Variants in CFAP54 observed in about 807,000 individuals in gnomAD.
CFAP54 encodes cilia and flagella associated protein 54.
A neutral mutation model predicts 370.4 loss-of-function variants in CFAP54; 290 were observed. The ratio of observed to expected loss-of-function variants is 0.78; its 90% CI spans 0.71 to 0.86. CFAP54 has a LOEUF of 0.86. Ranked by LOEUF, CFAP54 falls within the 40% of genes least tolerant of loss-of-function variation. CFAP54 has a pLI of 0.00. For missense variants in CFAP54, 3,399 were observed against 3,528.7 expected, an observed-to-expected ratio of 0.96 and a Z score of 0.93; for synonymous variants, 1,206 against 1,236.5, an observed-to-expected ratio of 0.98 and a Z score of 0.52.
chr12:96,544,224 G>A (rs983621299), intron 14 of CFAP54, among the ~76,000 whole-genome samples: 15 of 20,554 alleles, frequency 7.3e-4, no homozygotes, highest in Non-Finnish European at 1.7e-3. Flanking sequence ...CCTGGCTCAT[G>A]ACTCCCTAGT....
chr12:96,714,780 TAAA>T, intron 48 of CFAP54, among the ~76,000 whole-genome samples: 1 of 148,906 alleles, frequency 6.7e-6, no homozygotes, highest in East Asian at 2.0e-4. Context: ...AAAGAGGGTT[TAAA>T]AAAAAAACTG....
chr12:96,700,599 T>A (rs1957481701), intron 46 of CFAP54, among the ~76,000 whole-genome samples: 1 of 152,206 alleles, frequency 6.6e-6, no homozygotes, highest in Non-Finnish European at 1.5e-5. Flanking sequence ...TAGGAGATAG[T>A]TTTTACCTGG....
chr12:96,629,999 T>G (rs1956588508), intron 30 of CFAP54, 94 bp from the exon 31 acceptor site: 1 of 539,992 alleles, frequency 1.9e-6, no homozygotes, highest in African/African-American at 1.9e-5. Flanking sequence ...GATATTCTTG[T>G]ATACTTTCAG....
chr12:96,661,217 G>A (rs1956991334), intron 38 of CFAP54, among the ~76,000 whole-genome samples: 1 of 152,160 alleles, frequency 6.6e-6, no homozygotes, highest in Non-Finnish European at 1.5e-5. Flanking sequence ...GGTCTTTCTG[G>A]TGAGCAGCCC....
intron 33 of CFAP54, among the ~76,000 whole-genome samples, chr12:96,647,446 C>T (rs1292817005): frequency 3.5e-5 from 4 of 115,770 alleles, no homozygotes; most frequent in Non-Finnish European, 6.5e-5. Context: ...GCACTCCAGT[C>T]TGGGCGACAG....
intron 5 of CFAP54, 82 bp downstream of exon 5, chr12:96,513,126 A>C: frequency 1.8e-6 from 1 of 548,758 alleles, no homozygotes; most frequent in South Asian, 4.8e-5. Context: ...AGTATATTGA[A>C]TGTTAAACAA....
intron 1 of CFAP54, among the ~76,000 whole-genome samples, chr12:96,498,515 TG>T (rs1954984690): frequency 6.6e-6 from 1 of 152,070 alleles, no homozygotes; most frequent in Admixed American, 6.6e-5. Context: ...TAGCTGGGCG[TG>T]GTGGTGCGTG....
intron 47 of CFAP54, 121 bp downstream of exon 47, chr12:96,704,917 C>CT (rs916951863): frequency 1.6e-3 from 562 of 342,696 alleles, no homozygotes; most frequent in South Asian, 3.0e-3. Flanking sequence ...ATATTCTTTT[C>CT]TTTTTTTTTC....
At chr12:96,652,031 A>G (rs563774741) in intron 36 of CFAP54, among the ~76,000 whole-genome samples, 2 of 152,300 alleles carry the variant, frequency 1.3e-5, no homozygotes, top group East Asian at 3.9e-4. Context: ...TAGGGAAGGG[A>G]AAGTAACATG....
intron 20 of CFAP54, among the ~76,000 whole-genome samples, chr12:96,578,747 G>T (rs1338672087): frequency 1.3e-5 from 2 of 152,132 alleles, no homozygotes; most frequent in Admixed American, 6.5e-5. Context: ...GCTTAAATAA[G>T]TTTTCTGGGT....
At chr12:96,846,906 G>A (rs960041712) in intron 66 of CFAP54, among the ~76,000 whole-genome samples, 4 of 152,014 alleles carry the variant, frequency 2.6e-5, no homozygotes, top group African/African-American at 9.7e-5. Context: ...ACACCAACTG[G>A]GTGTCCAATG....
chr12:96,675,307 T>C (rs1957193590), intron 39 of CFAP54, among the ~76,000 whole-genome samples: 1 of 152,138 alleles, frequency 6.6e-6, no homozygotes, highest in Non-Finnish European at 1.5e-5. Flanking sequence ...CAAAAAAAGA[T>C]ATTTATGCAG....
intron 26 of CFAP54, among the ~76,000 whole-genome samples, chr12:96,616,149 G>A (rs548889108): frequency 2.0e-5 from 3 of 152,226 alleles, no homozygotes; most frequent in Admixed American, 6.5e-5. Context: ...TTAAGAAAAT[G>A]TGGCACATAT....
intron 36 of CFAP54, among the ~76,000 whole-genome samples, chr12:96,652,061 C>T (rs773276323): frequency 6.6e-6 from 1 of 152,146 alleles, no homozygotes; most frequent in Non-Finnish European, 1.5e-5. Flanking sequence ...CCAGCCCCTA[C>T]ATAAATTTGC....
In CFAP54 at chr12:96,743,995, A is replaced by T. The variant is rs774964916; in HGVS notation, c.7558-25A>T. The T allele has an allele frequency of 1.9e-6, 3 of 1,604,610 alleles. 1 individual carries two copies. The highest frequency in any genetic ancestry group is 1.1e-5 in the South Asian group (1 of 88,652). On this transcript the variant is annotated intron_variant, in intron 54 of 67. Transcript: ENST00000524981. ...TCCAAACCACGTCAACTAATTGCTC[A>T]TTACAATATTTGTTTTTTTAATAGA...
intron 19 of CFAP54, among the ~76,000 whole-genome samples, chr12:96,569,269 G>A (rs76538588): frequency 4.6e-5 from 7 of 151,970 alleles, no homozygotes; most frequent in Non-Finnish European, 8.8e-5. Context: ...TTCTTTTTCC[G>A]TATCAGATGT....
At chr12:96,629,620 T>C (rs751176417) in intron 30 of CFAP54, among the ~76,000 whole-genome samples, 7 of 152,024 alleles carry the variant, frequency 4.6e-5, no homozygotes, top group Non-Finnish European at 1.0e-4. Context: ...GCCTATACAT[T>C]GTATAATATA....
chr12:96,664,791 A>C (rs369699367), intron 39 of CFAP54, among the ~76,000 whole-genome samples: 155 of 15,306 alleles, frequency 0.01, 3 homozygotes, highest in Non-Finnish European at 0.017. Context: ...ATATATATAT[A>C]TATATATATA....
chr12:96,836,968 T>A (rs1007743630), intron 66 of CFAP54, among the ~76,000 whole-genome samples: 6 of 152,242 alleles, frequency 3.9e-5, no homozygotes, highest in African/African-American at 1.4e-4. Context: ...GCTAGGACTA[T>A]AGGCACATGC....
Sources: allele counts gnomAD v4.1 joint callset (sites outside exome capture counted in the v4.1 genomes callset), GRCh38; gene constraint gnomAD v4.1.1; transcripts MANE v1.5; gene names NCBI Gene and HGNC (gene_info 2026-07-23, HGNC 2026-07-21).